The following AKT3 variants were observed in gnomAD, a reference collection of about 807,000 sequenced individuals.
AKT3 encodes RAC-gamma serine/threonine-protein kinase.
Under a neutral mutation model 65.3 loss-of-function variants are expected in AKT3, and 15 were observed. The observed-to-expected ratio is 0.23, with a 90% CI of 0.15 to 0.35. The LOEUF (loss-of-function observed/expected upper bound fraction) is 0.35, where lower values mean the gene tolerates loss of function less well. Among genes scored for constraint, AKT3 ranks in the 10% least tolerant of loss-of-function variants. The pLI is 1.00. For missense variants in AKT3, 243 were observed against 576.5 expected, an observed-to-expected ratio of 0.42 and a Z score of 5.92; for synonymous variants, 206 against 183.8, an observed-to-expected ratio of 1.12 and a Z score of -0.98.
intron 8 of AKT3, among the ~76,000 whole-genome samples, chr1:243,589,255 G>A (rs1201938250): frequency 7.4e-6 from 1 of 135,214 alleles, no homozygotes; most frequent in Admixed American, 8.3e-5. Context: ...GCAGTGAGCC[G>A]AGATTGTGCC....
At chr1:243,559,067 A>G (rs1574606515) in intron 10 of AKT3, among the ~76,000 whole-genome samples, 1 of 152,256 alleles carries the variant, frequency 6.6e-6, no homozygotes, top group Middle Eastern at 3.4e-3. Flanking sequence ...TTTAGCAGTA[A>G]GAGTTTATAT....
At position 243,501,329 on chromosome 1, in the gene AKT3, TAAGA is replaced by T. The variant is rs1284616908; in HGVS notation, c.*3916_*3919del. On this transcript the variant is annotated 3_prime_UTR_variant, in exon 14 of 14. Transcript: ENST00000673466. ...ATGACATGTTGTTAGAAATACACTC[TAAGA>T]AAGGAAATATGCAGAGCAGTACATT... The T allele has an allele frequency of 8.6e-6, 2 of 233,218 alleles. No homozygotes were observed. The highest frequency in any genetic ancestry group is 1.2e-4 in the East Asian group (2 of 16,576). 14.4% of individuals were successfully genotyped at this position (233,218 alleles called of 1,614,324 possible).
intron 6 of AKT3, among the ~76,000 whole-genome samples, chr1:243,622,713 A>G (rs1678852771): frequency 6.6e-6 from 1 of 152,220 alleles, no homozygotes; most frequent in African/African-American, 2.4e-5. Context: ...CAATAGAACA[A>G]TGACAGTTGA....
chr1:243,560,236 C>A (rs1196574250), intron 10 of AKT3, among the ~76,000 whole-genome samples: 1 of 152,070 alleles, frequency 6.6e-6, no homozygotes, highest in Non-Finnish European at 1.5e-5. Context: ...TGTCTTATCA[C>A]CTCAGTGAAC....
At chr1:243,830,100 T>C (rs1694409392) in intron 2 of AKT3, among the ~76,000 whole-genome samples, 2 of 152,154 alleles carry the variant, frequency 1.3e-5, no homozygotes, top group African/African-American at 4.8e-5. Context: ...AGATCAAAAA[T>C]ATTCAGGAAA....
intron 8 of AKT3, among the ~76,000 whole-genome samples, chr1:243,596,282 A>G (rs1480638754): frequency 6.6e-6 from 1 of 152,218 alleles, no homozygotes; most frequent in African/African-American, 2.4e-5. Context: ...TGTTCCTCAA[A>G]AGACATCACT....
At chr1:243,698,715 TCA>T (rs1190608528) in intron 2 of AKT3, among the ~76,000 whole-genome samples, 1 of 152,100 alleles carries the variant, frequency 6.6e-6, no homozygotes, top group East Asian at 1.9e-4. Context: ...GTATTATTTC[TCA>T]CAAACTTTTT....
chr1:243,571,527 C>T (rs1475546034), intron 9 of AKT3, among the ~76,000 whole-genome samples: 3 of 152,168 alleles, frequency 2.0e-5, no homozygotes, highest in South Asian at 4.1e-4. Flanking sequence ...AAATCTAAGC[C>T]TCCATGCTTC....
At chr1:243,739,256 C>T (rs1166004475) in intron 2 of AKT3, among the ~76,000 whole-genome samples, 1 of 151,904 alleles carries the variant, frequency 6.6e-6, no homozygotes, top group African/African-American at 2.4e-5. Context: ...CAAGTATATC[C>T]AAAATATGAT....
chr1:243,522,671 A>AGCC (rs1411506104), intron 12 of AKT3, among the ~76,000 whole-genome samples: 1 of 152,144 alleles, frequency 6.6e-6, no homozygotes, highest in East Asian at 1.9e-4. Context: ...AGAAAAATGC[A>AGCC]GCCTACATAT....
intron 2 of AKT3, among the ~76,000 whole-genome samples, chr1:243,755,730 C>CTT (rs1358335777): frequency 1.3e-5 from 2 of 152,184 alleles, no homozygotes; most frequent in African/African-American, 4.8e-5. Context: ...GAATAAAACT[C>CTT]TAAGACTCAT....
intron 2 of AKT3, among the ~76,000 whole-genome samples, chr1:243,699,600 C>A (rs950602269): frequency 6.7e-6 from 1 of 149,804 alleles, no homozygotes; most frequent in Non-Finnish European, 1.5e-5. Context: ...AATACCAAAA[C>A]AAATACATTT....
chr1:243,734,518 A>T (rs771301672), intron 2 of AKT3, among the ~76,000 whole-genome samples: 1 of 152,144 alleles, frequency 6.6e-6, no homozygotes, highest in Non-Finnish European at 1.5e-5. Flanking sequence ...AAATCTAAAC[A>T]TAGAGAAGGT....
intron 6 of AKT3, among the ~76,000 whole-genome samples, chr1:243,621,629 G>T (rs1488141985): frequency 6.6e-6 from 1 of 152,168 alleles, no homozygotes; most frequent in Admixed American, 6.5e-5. Context: ...ATTTGGCATG[G>T]ATGTATAATC....
intron 2 of AKT3, among the ~76,000 whole-genome samples, chr1:243,758,578 A>G (rs1243092370): frequency 6.6e-6 from 1 of 152,306 alleles, no homozygotes; most frequent in East Asian, 1.9e-4. Context: ...GACCAGTTTC[A>G]TGGAAGACAA....
chr1:243,789,522 T>A (rs1384355055), intron 2 of AKT3, among the ~76,000 whole-genome samples: 1 of 152,258 alleles, frequency 6.6e-6, no homozygotes, highest in Non-Finnish European at 1.5e-5. Context: ...TTCTACCACA[T>A]CTGCAGTTAC....
At chr1:243,641,917 T>C (rs1006406710) in intron 5 of AKT3, among the ~76,000 whole-genome samples, 3 of 152,162 alleles carry the variant, frequency 2.0e-5, no homozygotes, top group East Asian at 1.9e-4. Flanking sequence ...GCCTAAGTGA[T>C]AGGAGTGAGA....
chr1:243,769,810 G>A (rs948996007), intron 2 of AKT3, among the ~76,000 whole-genome samples: 2 of 152,142 alleles, frequency 1.3e-5, no homozygotes, highest in Admixed American at 1.3e-4. Flanking sequence ...TGACATACAA[G>A]TTTTTTATTT....
intron 2 of AKT3, among the ~76,000 whole-genome samples, chr1:243,824,822 C>A (rs1466410401): frequency 6.6e-6 from 1 of 152,162 alleles, no homozygotes; most frequent in East Asian, 1.9e-4. Flanking sequence ...CAAATTAGTT[C>A]AACCATTGTG....
Sources: gnomAD v4.1 joint callset for allele counts (sites outside exome capture counted in the v4.1 genomes callset) on GRCh38, gnomAD v4.1.1 for gene constraint, MANE v1.5 for transcripts, NCBI Gene and HGNC (gene_info 2026-07-23, HGNC 2026-07-21) for gene names.